The following RCAN2 variants were observed in gnomAD, a reference collection of about 807,000 sequenced individuals.
RCAN2 encodes the protein calcipressin-2.
RCAN2 carries 9 observed loss-of-function variants against 23.6 expected under a neutral mutation model. The ratio of observed to expected loss-of-function variants is 0.38; its 90% confidence interval spans 0.23 to 0.67. The LOEUF is 0.67. Among genes scored for constraint, RCAN2 ranks in the 30% least tolerant of loss-of-function variants. The pLI is 0.51. For missense variants in RCAN2, 273 were observed against 302.3 expected, an observed-to-expected ratio of 0.90 and a Z score of 0.72; for synonymous variants, 109 against 115.7, an observed-to-expected ratio of 0.94 and a Z score of 0.37.
At chr6:46,246,656 CTGTGAACCCAGGA>C in intron 4 of RCAN2, 79 bp downstream of exon 4, 1 of 1,031,784 alleles carries the variant, frequency 9.7e-7, no homozygotes, top group Admixed American at 2.1e-5. Flanking sequence ...GCAGATGTTA[CTGTGAACCCAGGA>C]TCTCAAGGTT....
intron 2 of RCAN2, among the ~76,000 whole-genome samples, chr6:46,279,389 A>G (rs2150337874): frequency 6.6e-6 from 1 of 152,320 alleles, no homozygotes; most frequent in South Asian, 2.1e-4. Context: ...CCTTGGCACT[A>G]TTGACATTTG....
chr6:46,459,958 C>T (rs1017011900), intron 1 of RCAN2, among the ~76,000 whole-genome samples: 6 of 152,138 alleles, frequency 3.9e-5, no homozygotes, highest in South Asian at 2.1e-4. Flanking sequence ...CCCAAATAAA[C>T]AGAAGGAAAT....
intron 2 of RCAN2, among the ~76,000 whole-genome samples, chr6:46,316,696 A>G (rs1331446599): frequency 6.6e-6 from 1 of 152,234 alleles, no homozygotes; most frequent in African/African-American, 2.4e-5. Context: ...AGTGCTTTCT[A>G]TAGTGCCTGA....
At chr6:46,452,762 T>C (rs559752902) in intron 2 of RCAN2, among the ~76,000 whole-genome samples, 54 of 152,316 alleles carry the variant, frequency 3.5e-4, no homozygotes, top group Non-Finnish European at 5.1e-4. Flanking sequence ...CCAAATGCTA[T>C]ATAGGTATTT....
intron 1 of RCAN2, among the ~76,000 whole-genome samples, chr6:46,487,091 C>T (rs967322989): frequency 6.6e-6 from 1 of 152,216 alleles, no homozygotes; most frequent in African/African-American, 2.4e-5. Flanking sequence ...TGCACAGACA[C>T]ACACAGAACA....
At chr6:46,380,111 T>G (rs1259268848) in intron 2 of RCAN2, among the ~76,000 whole-genome samples, 1 of 152,166 alleles carries the variant, frequency 6.6e-6, no homozygotes, top group Admixed American at 6.5e-5. Context: ...TTATCTGAAG[T>G]CTTTGGCATT....
chr6:46,491,163 C>G lies in RCAN2; in HGVS notation c.-3+10G>C, dbSNP rs1369672499. 1 of 151,712 alleles carries G rather than the reference C, an allele frequency of 6.6e-6. No individual in the cohort carries two copies. The highest frequency in any genetic ancestry group is 1.9e-4 in the East Asian group (1 of 5,152). The allele number at this position is 151,712 out of a possible 1,614,324, so 9.4% of individuals were successfully genotyped here. A position where few individuals can be genotyped will look rare whatever the true frequency, so the allele number is the denominator to read the frequency against. On this transcript the variant is annotated intron_variant, in intron 1 of 4. Coordinates refer to ENST00000371374, the MANE Select transcript of RCAN2 (RefSeq NM_001251974.2). ...TGGGCGAGCCTGGCCGGCGCGGTTA[C>G]ATAACCGACCTGCTGGGCGTCCGCG... is the stretch of plus-strand genomic sequence containing the variant.
intron 2 of RCAN2, among the ~76,000 whole-genome samples, chr6:46,373,236 CTTCTT>C (rs1352292314): frequency 6.6e-6 from 1 of 152,018 alleles, no homozygotes; most frequent in Non-Finnish European, 1.5e-5. Context: ...TGAGAATCTC[CTTCTT>C]TTATTAGGTT....
chr6:46,342,845 A>T (rs1281081684), intron 2 of RCAN2, among the ~76,000 whole-genome samples: 1 of 152,148 alleles, frequency 6.6e-6, no homozygotes, highest in Admixed American at 6.5e-5. Context: ...AAAGAGTCAC[A>T]GCCAAAGAGT....
intron 2 of RCAN2, among the ~76,000 whole-genome samples, chr6:46,352,131 G>C (rs1190642722): frequency 6.6e-6 from 1 of 152,166 alleles, no homozygotes. Flanking sequence ...ATTCTAAGGA[G>C]GCCTCTCCTG....
chr6:46,420,137 C>T (rs1414700944), intron 2 of RCAN2, among the ~76,000 whole-genome samples: 1 of 151,430 alleles, frequency 6.6e-6, no homozygotes, highest in Admixed American at 6.6e-5. Context: ...GGCAGATAAA[C>T]AGAGTACAGA....
intron 2 of RCAN2, among the ~76,000 whole-genome samples, chr6:46,412,035 CA>C (rs1316513185): frequency 2.0e-5 from 3 of 152,128 alleles, no homozygotes; most frequent in Non-Finnish European, 4.4e-5. Context: ...ACAGTGGAAG[CA>C]GGAATACCAG....
intron 2 of RCAN2, among the ~76,000 whole-genome samples, chr6:46,401,774 G>T (rs188361469): frequency 6.6e-6 from 1 of 152,228 alleles, no homozygotes; most frequent in East Asian, 1.9e-4. Flanking sequence ...AATAGTAAAA[G>T]CAGGTGCCTT....
intron 4 of RCAN2, among the ~76,000 whole-genome samples, chr6:46,236,794 C>A (rs1766116493): frequency 6.6e-6 from 1 of 152,198 alleles, no homozygotes; most frequent in East Asian, 1.9e-4. Context: ...TCTATCAGTG[C>A]TAGCACACAG....
intron 2 of RCAN2, among the ~76,000 whole-genome samples, chr6:46,387,580 G>A (rs1259068137): frequency 2.0e-5 from 3 of 152,242 alleles, no homozygotes; most frequent in South Asian, 2.1e-4. Context: ...TTAGAATGGT[G>A]ATCATTAAAA....
intron 2 of RCAN2, among the ~76,000 whole-genome samples, chr6:46,290,713 T>C (rs560584219): frequency 6.6e-6 from 1 of 152,338 alleles, no homozygotes; most frequent in East Asian, 1.9e-4. Flanking sequence ...TATGGTGCTG[T>C]CAAGTTAATT....
chr6:46,255,879 G>A (rs1766895184), intron 2 of RCAN2, among the ~76,000 whole-genome samples: 1 of 152,192 alleles, frequency 6.6e-6, no homozygotes, highest in African/African-American at 2.4e-5. Context: ...AGAATTCTAA[G>A]CCTAATATTC....
chr6:46,422,026 G>A (rs1249985086), intron 2 of RCAN2, among the ~76,000 whole-genome samples: 1 of 152,186 alleles, frequency 6.6e-6, no homozygotes, highest in African/African-American at 2.4e-5. Flanking sequence ...AGGGAGTGCT[G>A]CAGTTTGGTT....
chr6:46,324,848 A>G (rs1255343473), intron 2 of RCAN2, among the ~76,000 whole-genome samples: 1 of 152,240 alleles, frequency 6.6e-6, no homozygotes, highest in East Asian at 1.9e-4. Context: ...TTTGCCTGAC[A>G]AAGAAAATTT....
Sources: gnomAD v4.1 joint callset for allele counts (sites outside exome capture counted in the v4.1 genomes callset) on GRCh38, gnomAD v4.1.1 for gene constraint, MANE v1.5 for transcripts, NCBI Gene and HGNC (gene_info 2026-07-23, HGNC 2026-07-21) for gene names.